Variants in PTHLH observed in about 807,000 individuals in gnomAD.
PTHLH encodes the protein parathyroid hormone like hormone.
A neutral mutation model predicts 18.6 loss-of-function variants in PTHLH; 5 were observed. The observed-to-expected ratio is 0.27, with a 90% confidence interval of 0.14 to 0.56. The LOEUF (loss-of-function observed/expected upper bound fraction) is 0.56, where lower values mean the gene tolerates loss of function less well. Among genes scored for constraint, PTHLH ranks in the 20% least tolerant of loss-of-function variants. The pLI, the probability that PTHLH is intolerant of heterozygous loss-of-function variation, is 0.92. For synonymous variants in PTHLH, 90 were observed against 94.0 expected (o/e 0.96, Z 0.25); for missense variants, 207 against 223.9 (o/e 0.92, Z 0.48).
chr12:27,961,890 G>T (rs757954740), intron 5 of PTHLH: 120 of 702,142 alleles, frequency 1.7e-4, no homozygotes, highest in Non-Finnish European at 2.8e-4. Flanking sequence ...CAAAGGAAAT[G>T]ACTAAAGAAG....
chr12:27,970,251 C>T lies in PTHLH; in HGVS notation c.-249G>A. On this transcript the variant is annotated 5_prime_UTR_variant, in exon 3 of 6. In the 5' UTR this introduces an upstream ATG that the reference lacks. Transcript: ENST00000545234. ...TGAAAACCGAGCGGAGGAATGTTCA[C>T]ACGCTCCGAGGCAAACCTGCCGGAG... 8 of 452,542 alleles carry T rather than the reference C, an allele frequency of 1.8e-5. No individual in the cohort carries two copies. Among genetic ancestry groups the T allele is most frequent in the South Asian group, 1.3e-4 (8 of 61,964 alleles). The allele number at this position is 452,542 out of a possible 1,614,324, so 28.0% of individuals were successfully genotyped here.
In PTHLH at chr12:27,960,974, C is replaced by A. The variant is rs142871312; in HGVS notation, c.524+2374G>T. Among the ~76,000 whole-genome samples the A allele has an allele frequency of 2.6e-3, 391 of 152,096 alleles. 2 individuals are homozygous for A. Among genetic ancestry groups the A allele is most frequent in the African/African-American group, 9.1e-3 (376 of 41,496 alleles). ...TAAGCTTCCTCACTCTTCCCTGAAC[C>A]TCTGTTGGATTGTGTTGGGAGAGTG... On this transcript the variant is annotated intron_variant, in intron 5 of 5. Coordinates refer to ENST00000545234, the MANE Select transcript of PTHLH (RefSeq NM_198965.2).
At chr12:27,961,261 CCT>C (rs1457162175) in intron 5 of PTHLH, among the ~76,000 whole-genome samples, 2 of 73,250 alleles carry the variant, frequency 2.7e-5, no homozygotes, top group African/African-American at 4.7e-5. Context: ...GTTATTTATA[CCT>C]CTTTTTATAA....
chr12:27,967,886 TTGTGTATATAATCGTGAA>T (rs2062830451), intron 4 of PTHLH, among the ~76,000 whole-genome samples: 1 of 152,172 alleles, frequency 6.6e-6, no homozygotes, highest in African/African-American at 2.4e-5. Context: ...TATGCCATAG[TTGTGTATATAATCGTGAA>T]TCATTTGCTG....
intron 5 of PTHLH, among the ~76,000 whole-genome samples, chr12:27,959,612 C>A (rs1258035790): frequency 1.3e-5 from 2 of 152,208 alleles, no homozygotes; most frequent in Non-Finnish European, 2.9e-5. Context: ...CAGAGTTTTA[C>A]ATGGCAGACA....
chr12:27,961,311 A>ATACGTATATATATACG (rs1555124120), intron 5 of PTHLH, among the ~76,000 whole-genome samples: 2 of 108,722 alleles, frequency 1.8e-5, no homozygotes, highest in Non-Finnish European at 1.9e-5. Flanking sequence ...GTATATATAT[A>ATACGTATATATATACG]TATATATATA....
intron 5 of PTHLH, among the ~76,000 whole-genome samples, chr12:27,958,865 A>G (rs2062732186): frequency 6.6e-6 from 1 of 152,228 alleles, no homozygotes; most frequent in Admixed American, 6.5e-5. Context: ...ATTTTCCAAG[A>G]CTGCCAGCTG....
At chr12:27,966,806 A>G (rs2062818228) in intron 4 of PTHLH, among the ~76,000 whole-genome samples, 1 of 151,956 alleles carries the variant, frequency 6.6e-6, no homozygotes, top group East Asian at 1.9e-4. Context: ...AAAAAAAATC[A>G]CTCCAAGGGA....
intron 4 of PTHLH, among the ~76,000 whole-genome samples, chr12:27,964,555 GTTTC>G (rs2062795244): frequency 6.6e-6 from 1 of 151,940 alleles, no homozygotes; most frequent in South Asian, 2.1e-4. Context: ...CTTAAAATGG[GTTTC>G]TTTGTGTGCT....
chr12:27,968,618 G>A (rs1314941565), intron 4 of PTHLH, among the ~76,000 whole-genome samples: 3 of 152,170 alleles, frequency 2.0e-5, no homozygotes, highest in African/African-American at 7.2e-5. Flanking sequence ...TATTTCTCTG[G>A]TGTGCTTGGA....
intron 5 of PTHLH, chr12:27,962,189 A>T (rs2062767805): frequency 2.2e-6 from 1 of 446,580 alleles, no homozygotes; most frequent in Admixed American, 4.1e-5. Context: ...ATAAAATGGG[A>T]TTAATATTTG....
intron 5 of PTHLH, chr12:27,962,806 TTAAAA>T: frequency 3.1e-6 from 3 of 970,502 alleles, no homozygotes; most frequent in Non-Finnish European, 3.7e-6. Context: ...GTTCTTTACA[TTAAAA>T]TAAATTTGAG....
In PTHLH at chr12:27,969,432, G is replaced by A. The variant is rs766815918; in HGVS notation, c.63C>T (p.Pro21=). 70 of 1,595,134 alleles carry A rather than the reference G, an allele frequency of 4.4e-5. No homozygotes were observed. The highest frequency in any genetic ancestry group is 1.6e-4 in the Middle Eastern group (1 of 6,068). Residue 21 remains proline (P), a synonymous_variant, in exon 4 of 6, where the codon CCC becomes CCT. Coordinates refer to ENST00000545234, the MANE Select transcript of PTHLH (RefSeq NM_198965.2). Reference sequence around the variant, plus strand: ...GACCCTCCACCGAGCGCCCGCAGGAGGGCACCGCGTAGCTCAGCAGGAACA... The same window carrying A: ...GACCCTCCACCGAGCGCCCGCAGGAAGGCACCGCGTAGCTCAGCAGGAACA... ...VAVFLLSYAV[P]SCGRSVEGLS...
chr12:27,969,355 C>G (rs1026560969), intron 4 of PTHLH, 39 bp downstream of exon 4: 2 of 1,534,794 alleles, frequency 1.3e-6, no homozygotes, highest in African/African-American at 2.7e-5. Flanking sequence ...TCCCCCTGGC[C>G]TCCCCAACCC....
At chr12:27,969,355 C>A (rs1026560969) in intron 4 of PTHLH, 39 bp downstream of exon 4, 9 of 1,534,794 alleles carry the variant, frequency 5.9e-6, no homozygotes, top group Non-Finnish European at 7.9e-6. Flanking sequence ...TCCCCCTGGC[C>A]TCCCCAACCC....
At chr12:27,961,261 C>T in intron 5 of PTHLH, among the ~76,000 whole-genome samples, 1 of 73,298 alleles carries the variant, frequency 1.4e-5, no homozygotes, top group Middle Eastern at 7.8e-3. Flanking sequence ...GTTATTTATA[C>T]CTCTTTTTAT....
intron 4 of PTHLH, among the ~76,000 whole-genome samples, chr12:27,968,550 T>C (rs1430404332): frequency 6.6e-6 from 1 of 152,190 alleles, no homozygotes; most frequent in Non-Finnish European, 1.5e-5. Context: ...GTCCAACAGA[T>C]TATTAAGATC....
Position 27,969,438 on chromosome 12 carries a change from C to G in PTHLH, c.57G>C (p.Ala19=). 6.3e-7 allele frequency: 1 copy of G among 1,595,718 alleles called. No homozygotes were observed. The highest frequency in any genetic ancestry group is 8.5e-7 in the Non-Finnish European group (1 of 1,173,184). Residue 19 remains alanine (A), a synonymous_variant, in exon 4 of 6, where the codon GCG becomes GCC. Coordinates refer to ENST00000545234, the MANE Select transcript of PTHLH (RefSeq NM_198965.2). ...CCACCGAGCGCCCGCAGGAGGGCAC[C>G]GCGTAGCTCAGCAGGAACACCGCGA... The part of the protein sequence containing the change: ...WSVAVFLLSY[A]VPSCGRSVEG...
intron 3 of PTHLH, chr12:27,969,754 GAAAC>G: frequency 1.4e-6 from 1 of 710,384 alleles, no homozygotes; most frequent in Non-Finnish European, 2.6e-6. Flanking sequence ...AGGGAAAAAA[GAAAC>G]AAATCAGAGG....
Sources: gnomAD v4.1 joint callset for allele counts (sites outside exome capture counted in the v4.1 genomes callset) on GRCh38, gnomAD v4.1.1 for gene constraint, MANE v1.5 for transcripts, NCBI Gene and HGNC (gene_info 2026-07-23, HGNC 2026-07-21) for gene names.